LRP2: variants seen among roughly 807,000 people sequenced by gnomAD.
LRP2 encodes low-density lipoprotein receptor-related protein 2.
A neutral mutation model predicts 531.0 loss-of-function variants in LRP2; 172 were observed. The observed-to-expected ratio is 0.32, with a 90% CI of 0.29 to 0.37. LRP2 has a LOEUF of 0.37. Among genes scored for constraint, LRP2 ranks in the 10% least tolerant of loss-of-function variants. The probability of loss-of-function intolerance (pLI) is 1.00; values close to 1 mark genes in which losing one functional copy is unlikely to be tolerated. For missense variants in LRP2, 5,167 were observed against 5,868.3 expected (o/e 0.88, Z 3.90); for synonymous variants, 1,992 against 2,027.6 (o/e 0.98, Z 0.47).
At chr2:169,142,192 C>T (rs1432398519) in intron 71 of LRP2, among the ~76,000 whole-genome samples, 5 of 152,194 alleles carry the variant, frequency 3.3e-5, no homozygotes, top group Non-Finnish European at 7.3e-5. Flanking sequence ...TCACCCACAG[C>T]GTTTGGGACT....
At chr2:169,187,540 T>C (rs147980443) in intron 49 of LRP2, among the ~76,000 whole-genome samples, 39 of 152,302 alleles carry the variant, frequency 2.6e-4, no homozygotes, top group African/African-American at 9.4e-4. Flanking sequence ...GCTTTACTTG[T>C]GGTGGTTGGG....
chr2:169,272,337 A>T (rs777959275), intron 15 of LRP2, among the ~76,000 whole-genome samples: 4 of 152,142 alleles, frequency 2.6e-5, no homozygotes, highest in Admixed American at 6.6e-5. Flanking sequence ...AATCAGGAAT[A>T]TGGAGGCAGA....
At chr2:169,175,019 T>TAAAAAAA (rs201393942) in intron 55 of LRP2, among the ~76,000 whole-genome samples, 174 bp downstream of exon 55, 1 of 108,730 alleles carries the variant, frequency 9.2e-6, no homozygotes, top group African/African-American at 3.3e-5. Context: ...TTAAGATTTC[T>TAAAAAAA]AAAAAAAAAA....
At chr2:169,260,862 G>A (rs943354654) in intron 16 of LRP2, among the ~76,000 whole-genome samples, 2 of 120,940 alleles carry the variant, frequency 1.7e-5, no homozygotes, top group African/African-American at 5.3e-5. Context: ...GATCTCCAGG[G>A]TACACTAGAA....
At chr2:169,256,004 C>G in intron 19 of LRP2, 102 bp downstream of exon 19, 2 of 1,296,004 alleles carry the variant, frequency 1.5e-6, no homozygotes, top group Non-Finnish European at 2.2e-6. Context: ...TTTAAAGTGG[C>G]CAGCTTTTCT....
At chr2:169,219,332 C>T (rs1317826185) in intron 34 of LRP2, among the ~76,000 whole-genome samples, 2 of 151,998 alleles carry the variant, frequency 1.3e-5, no homozygotes, top group Non-Finnish European at 2.9e-5. Context: ...TGGAATGATG[C>T]TACAATCTCT....
chr2:169,218,668 C>T (rs1688880644), intron 34 of LRP2, among the ~76,000 whole-genome samples: 1 of 152,116 alleles, frequency 6.6e-6, no homozygotes, highest in Admixed American at 6.6e-5. Context: ...CATGTCCTTC[C>T]GTGCAGTTAG....
intron 4 of LRP2, among the ~76,000 whole-genome samples, chr2:169,299,674 G>A (rs1050668480): frequency 4.4e-4 from 67 of 152,080 alleles, no homozygotes; most frequent in African/African-American, 1.6e-3. Flanking sequence ...TGTTTATAAT[G>A]TACATCATGT....
At chr2:169,299,151 GAAAGAAAAAAAGAAAGAAAGAA>G (rs1559064039) in intron 4 of LRP2, among the ~76,000 whole-genome samples, 8,953 of 32,650 alleles carry the variant, frequency 0.27, 1,144 homozygotes, top group Admixed American at 0.36. Flanking sequence ...AAGAAAGAAA[GAAAGAAAAAAAGAAAGAAAGAA>G]AAAGAAAGAA....
At chr2:169,186,070 C>T in intron 49 of LRP2, 51 bp from the exon 50 acceptor site, 1 of 1,519,478 alleles carries the variant, frequency 6.6e-7, no homozygotes, top group Non-Finnish European at 9.1e-7. Context: ...ACGACCAACT[C>T]ACTATAATGG....
chr2:169,149,316 C>G (rs1233947721), intron 68 of LRP2, among the ~76,000 whole-genome samples: 1 of 152,200 alleles, frequency 6.6e-6, no homozygotes, highest in African/African-American at 2.4e-5. Context: ...GACCCACTGG[C>G]AGATCTTATA....
intron 48 of LRP2, among the ~76,000 whole-genome samples, chr2:169,190,669 T>C (rs2105309280): frequency 6.6e-6 from 1 of 152,336 alleles, no homozygotes; most frequent in Admixed American, 6.5e-5. Context: ...TGTGCCTGTG[T>C]GTGTCCCTTA....
In LRP2 at chr2:169,237,132, T is replaced by A; in HGVS notation, c.4662A>T (p.Pro1554=). ...TVLISKNLTN[P]RGLALDPRMN... is the part of the protein sequence containing the mutation. ...TTCTGGGATCTAATGCTAGTCCTCT[T>A]GGATTTGTTAGGTTTTTACTAATCA... is the stretch of plus-strand genomic sequence containing the variant. The change falls in exon 28 of 79, where the codon CCA becomes CCT. Residue 1554 remains proline (P), a synonymous_variant. Coordinates refer to ENST00000649046, the MANE Select transcript of LRP2 (RefSeq NM_004525.3). 6.2e-7 allele frequency: 1 copy of A among 1,614,026 alleles called. No homozygotes were observed. Among genetic ancestry groups the A allele is most frequent in the Non-Finnish European group, 8.5e-7 (1 of 1,179,930 alleles).
intron 76 of LRP2, among the ~76,000 whole-genome samples, chr2:169,136,373 T>C (rs1685510371): frequency 6.6e-6 from 1 of 151,946 alleles, no homozygotes; most frequent in African/African-American, 2.4e-5. Context: ...ATTTTTCTTA[T>C]TAATATAAGA....
intron 1 of LRP2, among the ~76,000 whole-genome samples, chr2:169,351,234 A>T (rs1685838032): frequency 6.6e-6 from 1 of 152,256 alleles, no homozygotes. Flanking sequence ...TGACCAAAAA[A>T]ATATCTATCA....
At chr2:169,173,843 C>G in intron 56 of LRP2, 76 bp downstream of exon 56, 1 of 1,592,390 alleles carries the variant, frequency 6.3e-7, no homozygotes, top group Non-Finnish European at 8.6e-7. Context: ...AGCTCCATGT[C>G]CTCTCTCAGT....
intron 1 of LRP2, among the ~76,000 whole-genome samples, chr2:169,321,665 T>C (rs1020814197): frequency 1.3e-5 from 2 of 152,238 alleles, no homozygotes; most frequent in African/African-American, 2.4e-5. Context: ...TGTCTTAATT[T>C]TTAAAAATTA....
chr2:169,244,201 A>G (rs111477925), intron 22 of LRP2, among the ~76,000 whole-genome samples: 306 of 152,358 alleles, frequency 2.0e-3, no homozygotes, highest in African/African-American at 6.7e-3. Flanking sequence ...AAGACATGAA[A>G]TAAAACAACA....
chr2:169,185,586 C>G lies in LRP2; in HGVS notation c.9762G>C (p.Met3254Ile). 2.5e-6 allele frequency: 4 copies of G among 1,614,108 alleles called. No individual in the cohort carries two copies. Among genetic ancestry groups the G allele is most frequent in the Non-Finnish European group, 3.4e-6 (4 of 1,180,004 alleles). Residue 3254 changes from methionine to isoleucine, a missense_variant, in exon 50 of 79, where the codon ATG becomes ATC. By Grantham distance (10) the Met-to-Ile change is conservative (BLOSUM62 1). This residue lies in a region of LRP2 where 1,129 missense variants were observed against 1,362.7 expected (regional missense o/e 0.83). Coordinates refer to ENST00000649046, the MANE Select transcript of LRP2 (RefSeq NM_004525.3). ...IDTQRQVIER[M>I]FLNKTNKETI... ...TCTCCTTGTTTGTCTTATTCAGAAA[C>G]ATTCTCTCAATGACTTGCCTCTGTG...
Sources: allele counts gnomAD v4.1 joint callset (sites outside exome capture counted in the v4.1 genomes callset), GRCh38; gene constraint gnomAD v4.1.1; regional missense constraint gnomAD v4.1.1; transcripts MANE v1.5; gene names NCBI Gene and HGNC (gene_info 2026-07-23, HGNC 2026-07-21).